NOL4: variants seen among roughly 807,000 people sequenced by gnomAD.
NOL4 encodes the protein cancer/testis antigen 125.
NOL4 carries 17 observed loss-of-function variants against 75.9 expected under a neutral mutation model. The ratio of observed to expected loss-of-function variants is 0.22; its 90% confidence interval spans 0.15 to 0.34. The LOEUF (loss-of-function observed/expected upper bound fraction) is 0.34, where lower values mean the gene tolerates loss of function less well. Ranked by LOEUF, NOL4 falls within the 10% of genes least tolerant of loss-of-function variation. NOL4 has a pLI of 1.00. For synonymous variants in NOL4, 292 were observed against 289.9 expected, an observed-to-expected ratio of 1.01 and a Z score of -0.07; for missense variants, 614 against 793.5, an observed-to-expected ratio of 0.77 and a Z score of 2.72.
intron 5 of NOL4, among the ~76,000 whole-genome samples, chr18:34,051,724 T>C (rs1265850973): frequency 6.6e-6 from 1 of 151,968 alleles, no homozygotes; most frequent in African/African-American, 2.4e-5. Context: ...GGGGGTATGA[T>C]AGTGAACCAA....
At position 33,872,952 on chromosome 18, in the gene NOL4, A is replaced by G. The variant is rs2063768770; in HGVS notation, c.1723+10292T>C. 2.6e-5 allele frequency among the ~76,000 whole-genome samples: 4 copies of G among 151,972 alleles called. No homozygotes were observed. In the South Asian group the frequency reaches 8.3e-4, roughly 32 times the overall value. ...CTGGCAGAAAAAATTCCTAAATATA[A>G]CACATTGTTTCTTTTATAACCAAAG... On this transcript the variant is annotated intron_variant, in intron 10 of 10. Coordinates refer to ENST00000261592, the MANE Select transcript of NOL4 (RefSeq NM_003787.5).
intron 6 of NOL4, among the ~76,000 whole-genome samples, chr18:33,997,536 T>C (rs1224943416): frequency 1.3e-5 from 2 of 151,420 alleles, no homozygotes; most frequent in Admixed American, 1.3e-4. Context: ...TTGCATAGGA[T>C]TGCTTTGACT....
At chr18:33,983,879 A>T (rs548962829) in intron 6 of NOL4, among the ~76,000 whole-genome samples, 14 of 152,206 alleles carry the variant, frequency 9.2e-5, no homozygotes, top group Admixed American at 5.9e-4. Context: ...TCAAATATTG[A>T]CAATTTTAAG....
At chr18:34,182,790 G>A (rs1039824526) in intron 1 of NOL4, among the ~76,000 whole-genome samples, 8 of 151,536 alleles carry the variant, frequency 5.3e-5, no homozygotes, top group African/African-American at 1.9e-4. Flanking sequence ...AAATAGTTAA[G>A]TGAATTAAGT....
rs188766189 is a variant in NOL4, at chr18:33,916,585, A to G, written c.1542+26480T>C. Among the ~76,000 whole-genome samples the G allele has an allele frequency of 3.9e-5, 6 of 152,350 alleles. 1 individual carries two copies. The highest frequency in any genetic ancestry group is 2.6e-4 in the Admixed American group (4 of 15,294). On this transcript the variant is annotated intron_variant, in intron 9 of 10. Coordinates refer to ENST00000261592, the MANE Select transcript of NOL4 (RefSeq NM_003787.5). ...AAGAAAGCAAATGGCAAAAATAAAA[A>G]GAGAAGTCTGATTACATAGTTTTAA...
intron 8 of NOL4, among the ~76,000 whole-genome samples, chr18:33,945,719 T>G (rs886642916): frequency 6.6e-6 from 1 of 151,636 alleles, no homozygotes; most frequent in African/African-American, 2.4e-5. Flanking sequence ...GTGGAAAAAA[T>G]AAGTAGAATC....
At chr18:34,157,414 A>T (rs75572454) in intron 1 of NOL4, among the ~76,000 whole-genome samples, 5,213 of 152,226 alleles carry the variant, frequency 0.034, 93 homozygotes, top group Middle Eastern at 0.048. Context: ...CAAATTTTGG[A>T]TAGGAAAATA....
intron 5 of NOL4, among the ~76,000 whole-genome samples, chr18:34,036,840 G>A (rs765158497): frequency 6.6e-6 from 1 of 152,158 alleles, no homozygotes; most frequent in Admixed American, 6.5e-5. Context: ...GCTGAGGCAG[G>A]AGAATCGCTT....
chr18:33,999,658 C>T (rs1157061896), intron 6 of NOL4, among the ~76,000 whole-genome samples: 2 of 151,868 alleles, frequency 1.3e-5, no homozygotes, highest in African/African-American at 4.8e-5. Context: ...CATGAGACAC[C>T]TTTCCTTTTT....
chr18:33,876,099 T>TA (rs2063921652), intron 10 of NOL4, among the ~76,000 whole-genome samples: 2 of 152,046 alleles, frequency 1.3e-5, no homozygotes, highest in South Asian at 4.1e-4. Flanking sequence ...TCGCTTCTCT[T>TA]AAAGTTACAA....
intron 6 of NOL4, among the ~76,000 whole-genome samples, chr18:33,968,283 A>G (rs1300196640): frequency 2.0e-5 from 3 of 152,140 alleles, no homozygotes; most frequent in Non-Finnish European, 1.5e-5. Context: ...ATTACTGCAT[A>G]CAAGCCCAAG....
intron 5 of NOL4, among the ~76,000 whole-genome samples, chr18:34,062,162 C>A (rs945984230): frequency 6.6e-6 from 1 of 151,810 alleles, no homozygotes; most frequent in African/African-American, 2.4e-5. Context: ...TTCTGTTCAC[C>A]GACGTAACAA....
At chr18:34,163,526 A>T (rs1439468338) in intron 1 of NOL4, among the ~76,000 whole-genome samples, 2 of 152,158 alleles carry the variant, frequency 1.3e-5, no homozygotes, top group African/African-American at 4.8e-5. Flanking sequence ...TAGGAATCCA[A>T]CTTACAAGGG....
intron 6 of NOL4, among the ~76,000 whole-genome samples, chr18:34,008,618 A>G (rs956125812): frequency 6.6e-6 from 1 of 152,008 alleles, no homozygotes; most frequent in African/African-American, 2.4e-5. Flanking sequence ...GAGAATCGCA[A>G]TGCAAAGCTC....
At chr18:33,905,492 T>A (rs1326174709) in intron 9 of NOL4, among the ~76,000 whole-genome samples, 1 of 152,100 alleles carries the variant, frequency 6.6e-6, no homozygotes, top group African/African-American at 2.4e-5. Flanking sequence ...CACAAAAGGA[T>A]AAATGAAATA....
chr18:33,853,363 C>A (rs1300565059), intron 10 of NOL4, among the ~76,000 whole-genome samples: 1 of 151,980 alleles, frequency 6.6e-6, no homozygotes, highest in Non-Finnish European at 1.5e-5. Flanking sequence ...GTAGACGCTT[C>A]TCATAGTAGC....
chr18:33,860,673 G>T (rs1400995848), intron 10 of NOL4, among the ~76,000 whole-genome samples: 2 of 151,868 alleles, frequency 1.3e-5, no homozygotes, highest in Non-Finnish European at 2.9e-5. Flanking sequence ...ACACTATGTT[G>T]AATAGGAGTG....
At chr18:33,998,595 G>C (rs1369262337) in intron 6 of NOL4, among the ~76,000 whole-genome samples, 1 of 152,072 alleles carries the variant, frequency 6.6e-6, no homozygotes, top group Non-Finnish European at 1.5e-5. Context: ...ACTTGAAAAA[G>C]AGAAAATATA....
intron 1 of NOL4, among the ~76,000 whole-genome samples, chr18:34,211,579 C>T (rs1471848720): frequency 6.6e-6 from 1 of 152,164 alleles, no homozygotes; most frequent in Non-Finnish European, 1.5e-5. Context: ...CAGTGAGAAC[C>T]AATAAGGTTG....
Sources: gnomAD v4.1 joint callset for allele counts (sites outside exome capture counted in the v4.1 genomes callset) on GRCh38, gnomAD v4.1.1 for gene constraint, MANE v1.5 for transcripts, NCBI Gene and HGNC (gene_info 2026-07-23, HGNC 2026-07-21) for gene names.